The following SDCCAG8 variants were observed in gnomAD, a reference collection of about 807,000 sequenced individuals.
The protein encoded by SDCCAG8 is SHH signaling and ciliogenesis regulator SDCCAG8.
SDCCAG8 carries 74 observed loss-of-function variants against 101.8 expected under a neutral mutation model. The ratio of observed to expected loss-of-function variants is 0.73; its 90% CI spans 0.60 to 0.88. The LOEUF is 0.88. Among genes scored for constraint, SDCCAG8 ranks in the 40% least tolerant of loss-of-function variants. The pLI is 0.00. For missense variants in SDCCAG8, 787 were observed against 822.6 expected, an observed-to-expected ratio of 0.96 and a Z score of 0.53; for synonymous variants, 281 against 292.9, an observed-to-expected ratio of 0.96 and a Z score of 0.41.
chr1:243,296,042 G>A (rs2070841693), intron 6 of SDCCAG8, among the ~76,000 whole-genome samples: 2 of 151,886 alleles, frequency 1.3e-5, no homozygotes, highest in South Asian at 4.2e-4. Context: ...GTCACCCAGG[G>A]TGGAGTGCAG....
intron 8 of SDCCAG8, among the ~76,000 whole-genome samples, chr1:243,310,461 T>G (rs2072615297): frequency 6.6e-6 from 1 of 152,130 alleles, no homozygotes; most frequent in Non-Finnish European, 1.5e-5. Flanking sequence ...CTGTTTATAT[T>G]TGAAAAACAA....
chr1:243,321,423 C>T lies in SDCCAG8; in HGVS notation c.1068+4530C>T, dbSNP rs552952427. Among the ~76,000 whole-genome samples, 13 of 151,734 alleles carry T rather than the reference C, an allele frequency of 8.6e-5. No homozygotes were observed. In the East Asian group the frequency reaches 1.8e-3, roughly 20 times the overall value. The stretch of plus-strand genomic sequence containing the variant: ...TTGTCTGCAGTGTCTGTTGCTGCCA[C>T]GCTTATGTCCATGTGTACACAATGT... On this transcript the variant is annotated intron_variant, in intron 9 of 17. Transcript: ENST00000366541.
chr1:243,377,112 T>C (rs1180544121), intron 12 of SDCCAG8, among the ~76,000 whole-genome samples: 1 of 152,120 alleles, frequency 6.6e-6, no homozygotes, highest in Non-Finnish European at 1.5e-5. Flanking sequence ...TGTGTATCTA[T>C]GTCTCATTTA....
chr1:243,422,743 T>A (rs2081091966), intron 15 of SDCCAG8, among the ~76,000 whole-genome samples: 1 of 152,176 alleles, frequency 6.6e-6, no homozygotes, highest in South Asian at 2.1e-4. Context: ...CCTAAAAGAA[T>A]AAAAAATTAA....
At chr1:243,428,713 A>G (rs1467541073) in intron 16 of SDCCAG8, among the ~76,000 whole-genome samples, 1 of 152,236 alleles carries the variant, frequency 6.6e-6, no homozygotes, top group Admixed American at 6.5e-5. Flanking sequence ...ACACACACAA[A>G]CACAGATCAT....
At chr1:243,260,206 T>C (rs2067096701) in intron 1 of SDCCAG8, among the ~76,000 whole-genome samples, 1 of 152,200 alleles carries the variant, frequency 6.6e-6, no homozygotes, top group African/African-American at 2.4e-5. Flanking sequence ...TATTCCTACA[T>C]AGTAAATGGT....
chr1:243,407,556 A>G (rs2079874470), intron 13 of SDCCAG8, among the ~76,000 whole-genome samples: 1 of 152,206 alleles, frequency 6.6e-6, no homozygotes, highest in African/African-American at 2.4e-5. Flanking sequence ...GGCAATAGCT[A>G]GTCTACTGTA....
chr1:243,375,117 G>A (rs1009294997), intron 12 of SDCCAG8, among the ~76,000 whole-genome samples: 11 of 152,018 alleles, frequency 7.2e-5, no homozygotes, highest in African/African-American at 2.7e-4. Flanking sequence ...TCATTATATG[G>A]GAGCATGAGG....
intron 1 of SDCCAG8, among the ~76,000 whole-genome samples, chr1:243,266,237 T>C (rs939231999): frequency 2.6e-5 from 4 of 152,070 alleles, no homozygotes; most frequent in Admixed American, 1.3e-4. Context: ...CACTGTACAA[T>C]AGAACTCAAA....
At chr1:243,363,727 T>C (rs549624235) in intron 12 of SDCCAG8, among the ~76,000 whole-genome samples, 2 of 152,372 alleles carry the variant, frequency 1.3e-5, no homozygotes, top group South Asian at 2.1e-4. Flanking sequence ...GGAATTTTGC[T>C]AGTTTTCTAA....
chr1:243,391,112 T>C (rs567729164), intron 13 of SDCCAG8, among the ~76,000 whole-genome samples: 2 of 152,362 alleles, frequency 1.3e-5, no homozygotes, highest in Admixed American at 6.5e-5. Flanking sequence ...ATATTTAGTT[T>C]CTTCTTAAAC....
chr1:243,357,035 T>C (rs2076423660), intron 12 of SDCCAG8, among the ~76,000 whole-genome samples: 1 of 151,706 alleles, frequency 6.6e-6, no homozygotes, highest in Non-Finnish European at 1.5e-5. Flanking sequence ...TTTATGTACT[T>C]TGGCATTTTT....
At chr1:243,464,005 A>G (rs1036184845) in intron 16 of SDCCAG8, among the ~76,000 whole-genome samples, 2 of 152,296 alleles carry the variant, frequency 1.3e-5, no homozygotes, top group East Asian at 3.9e-4. Flanking sequence ...AGCCTTGTGT[A>G]GAAAGTTGGG....
chr1:243,389,656 A>C (rs546762817), intron 13 of SDCCAG8, among the ~76,000 whole-genome samples: 13 of 152,196 alleles, frequency 8.5e-5, no homozygotes, highest in Non-Finnish European at 1.6e-4. Flanking sequence ...AAAGATTAGA[A>C]ATTAAAACAA....
rs1159701144 is a variant in SDCCAG8 at position 243,352,991 on chromosome 1, T to G, written c.1473+8660T>G. ...CCACTATGACAGATTTAGAGCCCTT[T>G]TGCCCTAAACTTCATATGTTGCTTT... On this transcript the variant is annotated intron_variant, in intron 12 of 17. Transcript: ENST00000366541. Among the ~76,000 whole-genome samples, 3 of 152,220 alleles carry G rather than the reference T, an allele frequency of 2.0e-5. 1 individual carries two copies. The highest frequency in any genetic ancestry group is 2.0e-4 in the Admixed American group (3 of 15,282).
intron 1 of SDCCAG8, among the ~76,000 whole-genome samples, chr1:243,265,827 ACTC>A (rs2067542006): frequency 6.6e-6 from 1 of 151,544 alleles, no homozygotes; most frequent in Non-Finnish European, 1.5e-5. Context: ...AAAAAAAAAA[ACTC>A]CTGCCTTTCT....
intron 1 of SDCCAG8, among the ~76,000 whole-genome samples, chr1:243,256,865 C>G (rs1437866816): frequency 1.3e-5 from 2 of 152,220 alleles, no homozygotes. Flanking sequence ...TTTGTATTTA[C>G]TAATCAAGCC....
At chr1:243,335,325 T>C (rs944551785) in intron 10 of SDCCAG8, among the ~76,000 whole-genome samples, 1 of 152,064 alleles carries the variant, frequency 6.6e-6, no homozygotes, top group African/African-American at 2.4e-5. Context: ...GGAAGGGAGA[T>C]GAAGTTGCGA....
At chr1:243,448,328 TGTTCC>T (rs750378896) in intron 16 of SDCCAG8, among the ~76,000 whole-genome samples, 3 of 152,246 alleles carry the variant, frequency 2.0e-5, no homozygotes, top group Admixed American at 6.5e-5. Context: ...GATTTTCTGT[TGTTCC>T]GTTCTTCTCA....
Sources: gnomAD v4.1 joint callset for allele counts (sites outside exome capture counted in the v4.1 genomes callset) on GRCh38, gnomAD v4.1.1 for gene constraint, MANE v1.5 for transcripts, NCBI Gene and HGNC (gene_info 2026-07-23, HGNC 2026-07-21) for gene names.